The following VSIG4 variants were observed in gnomAD, a reference collection of about 807,000 sequenced individuals.
VSIG4 encodes the protein V-set and immunoglobulin domain-containing protein 4.
Under a neutral mutation model 23.4 loss-of-function variants are expected in VSIG4, and 34 were observed. That is an observed-to-expected ratio of 1.45 (90% confidence interval 1.10 to 1.93). VSIG4 has a LOEUF of 1.93. Among genes scored for constraint, VSIG4 ranks in the 30% most tolerant of loss-of-function variants. The pLI, the probability that VSIG4 is intolerant of heterozygous loss-of-function variation, is 0.00. For synonymous variants in VSIG4, 169 were observed against 120.3 expected, an observed-to-expected ratio of 1.41 and a Z score of -2.65; for missense variants, 433 against 310.8, an observed-to-expected ratio of 1.39 and a Z score of -2.96.
At chrX:66,037,666 C>T (rs1198542750) in intron 1 of VSIG4, among the ~76,000 whole-genome samples, 3 of 84,973 alleles carry the variant, frequency 3.5e-5, no homozygotes, top group African/African-American at 1.4e-4. Context: ...CTGATAATTA[C>T]TTATATATAA....
Position 66,028,558 on chromosome X carries a change from C to CTTTTTTTTTTTTTTTTTTTTTTTTTTT in VSIG4, c.695-447_695-446insAAAAAAAAAAAAAAAAAAAAAAAAAAA, listed in dbSNP as rs34660062. The stretch of plus-strand genomic sequence containing the variant: ...ATAATGCAAAATTTGACGTAATCAA[C>CTTTTTTTTTTTTTTTTTTTTTTTTTTT]TTTTTTTTTTTTTTTTTTTTTTTTT... On this transcript the variant is annotated intron_variant, in intron 3 of 7. Transcript: ENST00000374737. Among the ~76,000 whole-genome samples the CTTTTTTTTTTTTTTTTTTTTTTTTTTT allele has an allele frequency of 2.7e-5, 2 of 74,254 alleles. 1 individual carries two copies. Among genetic ancestry groups the CTTTTTTTTTTTTTTTTTTTTTTTTTTT allele is most frequent in the African/African-American group, 9.6e-5 (2 of 20,805 alleles). The allele number at this position is 74,254 out of a possible 115,157, so 64.5% of individuals were successfully genotyped here. A position where few individuals can be genotyped will look rare whatever the true frequency, so the allele number is the denominator to read the frequency against.
chrX:66,030,314 C>T (rs1184202272), intron 3 of VSIG4, among the ~76,000 whole-genome samples: 1 of 111,178 alleles, frequency 9.0e-6, no homozygotes, highest in Non-Finnish European at 1.9e-5. Flanking sequence ...AAGCTACCTT[C>T]GTGAGAAGGT....
At chrX:66,039,892 T>C in intron 1 of VSIG4, 52 bp downstream of exon 1, 3 of 1,195,200 alleles carry the variant, frequency 2.5e-6, no homozygotes, top group Non-Finnish European at 3.4e-6. Flanking sequence ...ACCAACCCTC[T>C]AGCCTTTTGC....
rs1164345385 is a variant in VSIG4, at chrX:66,036,853, A to G, written c.56-3023T>C. 7.8e-5 allele frequency among the ~76,000 whole-genome samples: 3 copies of G among 38,620 alleles called. No homozygotes were observed. In the Admixed American group the frequency reaches 1.6e-3, roughly 21 times the overall value. 33.5% of individuals were successfully genotyped at this position (38,620 alleles called of 115,157 possible). A position where few individuals can be genotyped will look rare whatever the true frequency, so the allele number is the denominator to read the frequency against. The stretch of plus-strand genomic sequence containing the variant: ...TATAATATGTTATATAATATATTAT[A>G]TATATAATAATATATTATATTATAT... On this transcript the variant is annotated intron_variant, in intron 1 of 7. Coordinates refer to ENST00000374737, the MANE Select transcript of VSIG4 (RefSeq NM_007268.3).
intron 3 of VSIG4, among the ~76,000 whole-genome samples, 158 bp from the exon 4 acceptor site, chrX:66,028,270 T>G (rs1323091785): frequency 8.9e-6 from 1 of 112,229 alleles, no homozygotes; most frequent in Non-Finnish European, 1.9e-5. Flanking sequence ...TGTTGCTTGT[T>G]CATCTTTCAT....
At position 66,021,973 on chromosome X, in the gene VSIG4, T is replaced by C; in HGVS notation, c.*290A>G. ...CAAAGTTGAATAGTGTCTGTAGGCA[T>C]GATGACCAAGTCCTAGTGCTATGGG... On this transcript the variant is annotated 3_prime_UTR_variant, in exon 8 of 8. Coordinates refer to ENST00000374737, the MANE Select transcript of VSIG4 (RefSeq NM_007268.3). 1 of 985,684 alleles carries C rather than the reference T, an allele frequency of 1.0e-6. No individual in the cohort carries two copies. Among genetic ancestry groups the C allele is most frequent in the Non-Finnish European group, 1.4e-6 (1 of 723,313 alleles). 81.2% of individuals were successfully genotyped at this position (985,684 alleles called of 1,213,427 possible). A position where few individuals can be genotyped will look rare whatever the true frequency, so the allele number is the denominator to read the frequency against.
At position 66,022,269 on chromosome X, in the gene VSIG4, G is replaced by T; in HGVS notation, c.1194C>A (p.Val398=). 1 of 1,212,175 alleles carries T rather than the reference G, an allele frequency of 8.2e-7. No individual in the cohort carries two copies. The highest frequency in any genetic ancestry group is 1.1e-6 in the Non-Finnish European group (1 of 895,566). Reference sequence around the variant, plus strand: ...CTGGCCTAATGGGGCATTTTTAACAGACACTTTTGCCCTCAGTGGCCAGAA... The same window carrying T: ...CTGGCCTAATGGGGCATTTTTAACATACACTTTTGCCCTCAGTGGCCAGAA... ...YEFLATEGKS[V]C is the part of the protein sequence containing the mutation. Residue 398 remains valine, a synonymous_variant, in exon 8 of 8, where the codon GTC becomes GTA. Transcript: ENST00000374737.
At chrX:66,036,073 G>A (rs2085534974) in intron 1 of VSIG4, among the ~76,000 whole-genome samples, 1 of 111,646 alleles carries the variant, frequency 9.0e-6, no homozygotes, top group Non-Finnish European at 1.9e-5. Flanking sequence ...ATCCCAGAAT[G>A]AATAGGACAG....
Position 66,040,016 on chromosome X carries a change from C to T in VSIG4, c.-18G>A, listed in dbSNP as rs745810183. On this transcript the variant is annotated 5_prime_UTR_variant, in exon 1 of 8. Coordinates refer to ENST00000374737, the MANE Select transcript of VSIG4 (RefSeq NM_007268.3). ...ATCCCCATCACAGCCAGAGCTACTT[C>T]TGTCCTTTCTTCCAGCCTCCTGCTA... 8.3e-6 allele frequency: 10 copies of T among 1,209,458 alleles called. No individual in the cohort carries two copies. Among genetic ancestry groups the T allele is most frequent in the Non-Finnish European group, 1.1e-5 (10 of 894,564 alleles).
chrX:66,037,934 C>T lies in VSIG4; in HGVS notation c.55+2010G>A, dbSNP rs2085637595. The stretch of plus-strand genomic sequence containing the variant: ...CTAGGTGTGTGCTCCTTTATAAGAC[C>T]CATTCTAGGTCTCTTTCTGAATCCC... On this transcript the variant is annotated intron_variant, in intron 1 of 7. Coordinates refer to ENST00000374737, the MANE Select transcript of VSIG4 (RefSeq NM_007268.3). Among the ~76,000 whole-genome samples, 3 of 107,899 alleles carry T rather than the reference C, an allele frequency of 2.8e-5. No individual in the cohort carries two copies. In the South Asian group the frequency reaches 1.2e-3, roughly 43 times the overall value. The allele number at this position is 107,899 out of a possible 115,157, so 93.7% of individuals were successfully genotyped here.
At chrX:66,038,556 C>T (rs2085647772) in intron 1 of VSIG4, among the ~76,000 whole-genome samples, 1 of 110,978 alleles carries the variant, frequency 9.0e-6, no homozygotes. Context: ...TTAAATTTAA[C>T]ATTTCTAAAA....
In VSIG4 at chrX:66,022,226, C is replaced by T; in HGVS notation, c.*37G>A. On this transcript the variant is annotated 3_prime_UTR_variant, in exon 8 of 8. Transcript: ENST00000374737. ...ATGCAGAAGGCAAGGACTGACTAGGCAATTATGTCAGCAGATCCTGGCCTA... is the reference window on the plus strand; with the variant it reads ...ATGCAGAAGGCAAGGACTGACTAGGTAATTATGTCAGCAGATCCTGGCCTA... The T allele has an allele frequency of 8.3e-7, 1 of 1,211,834 alleles. No homozygotes were observed. The highest frequency in any genetic ancestry group is 1.1e-6 in the Non-Finnish European group (1 of 895,459).
At chrX:66,032,366 A>C in intron 3 of VSIG4, 102 bp downstream of exon 3, 3 of 1,021,342 alleles carry the variant, frequency 2.9e-6, no homozygotes, top group Non-Finnish European at 4.0e-6. Flanking sequence ...CCTGCTTGGG[A>C]TCCTCCTCTC....
Position 66,033,840 on chromosome X carries a change from C to T in VSIG4, c.56-10G>A, listed in dbSNP as rs754269568. 36 of 1,178,184 alleles carry T rather than the reference C, an allele frequency of 3.1e-5. No individual in the cohort carries two copies. The highest frequency in any genetic ancestry group is 9.1e-5 in the Admixed American group (4 of 44,086). Reference sequence around the variant, plus strand: ...TCCAGGATGGGACGGCCTGAAGAGGCGGAACAGAGGAAAGAAGCAAACGTA... The same window carrying T: ...TCCAGGATGGGACGGCCTGAAGAGGTGGAACAGAGGAAAGAAGCAAACGTA... On this transcript the variant is annotated splice_polypyrimidine_tract_variant and intron_variant, in intron 1 of 7. Transcript: ENST00000374737.
At position 66,033,530 on chromosome X, in the gene VSIG4, G is replaced by T. The variant is rs761330018; in HGVS notation, c.356C>A (p.Thr119Asn). The T allele has an allele frequency of 6.6e-6, 8 of 1,211,512 alleles. No homozygotes were observed. Among genetic ancestry groups the T allele is most frequent in the Middle Eastern group, 2.3e-4 (1 of 4,349 alleles). Residue 119 changes from threonine (T) to asparagine (N), a missense_variant, in exon 2 of 8, where the codon ACT (threonine) becomes AAT (asparagine). Coordinates refer to ENST00000374737, the MANE Select transcript of VSIG4 (RefSeq NM_007268.3). ...TCTCACGACTTGGTTGCCATCAGGAGTCTGCCAGGTGACTTCACACGTGTA... is the reference window on the plus strand; with the variant it reads ...TCTCACGACTTGGTTGCCATCAGGATTCTGCCAGGTGACTTCACACGTGTA... Reference protein sequence around the residue: ...SHYTCEVTWQTPDGNQVVRDK... With the variant: ...SHYTCEVTWQNPDGNQVVRDK...
intron 1 of VSIG4, among the ~76,000 whole-genome samples, chrX:66,036,806 TA>T (rs1212046719): frequency 2.5e-5 from 1 of 40,549 alleles, no homozygotes; most frequent in East Asian, 1.0e-3. Context: ...ATATATTATA[TA>T]ATATTATATA....
chrX:66,040,036 C>T lies in VSIG4; in HGVS notation c.-38G>A, dbSNP rs2085666168. Reference sequence around the variant, plus strand: ...TACTTCTGTCCTTTCTTCCAGCCTCCTGCTACCAAAGAGGCTCAAACTTCT... The same window carrying T: ...TACTTCTGTCCTTTCTTCCAGCCTCTTGCTACCAAAGAGGCTCAAACTTCT... On this transcript the variant is annotated 5_prime_UTR_variant, in exon 1 of 8. Coordinates refer to ENST00000374737, the MANE Select transcript of VSIG4 (RefSeq NM_007268.3). 1.7e-6 allele frequency: 2 copies of T among 1,201,988 alleles called. No individual in the cohort carries two copies. The highest frequency in any genetic ancestry group is 3.5e-5 in the South Asian group (2 of 56,411).
chrX:66,032,706 G>A lies in VSIG4; in HGVS notation c.456C>T (p.Gly152=), dbSNP rs762546590. 9.1e-6 allele frequency: 11 copies of A among 1,209,581 alleles called. No homozygotes were observed. Among genetic ancestry groups the A allele is most frequent in the Non-Finnish European group, 1.2e-5 (11 of 895,092 alleles). The part of the protein sequence containing the change: ...KPTVTTGSGY[G]FTVPQGMRIS... ...TCCTCATTCCCTGGGGCACCGTGAA[G>A]CCATAACCGCTGCCAGTTGTCACTG... The change falls in exon 3 of 8, where the codon GGC becomes GGT. Residue 152 remains glycine, a synonymous_variant. Coordinates refer to ENST00000374737, the MANE Select transcript of VSIG4 (RefSeq NM_007268.3).
chrX:66,025,719 T>A (rs1234666856), intron 5 of VSIG4, among the ~76,000 whole-genome samples: 3 of 112,015 alleles, frequency 2.7e-5, no homozygotes, highest in African/African-American at 9.7e-5. Context: ...GATATTCACA[T>A]CCAAATTCCT....
Sources: gnomAD v4.1 joint callset for allele counts (sites outside exome capture counted in the v4.1 genomes callset) on GRCh38, gnomAD v4.1.1 for gene constraint, MANE v1.5 for transcripts, NCBI Gene and HGNC (gene_info 2026-07-23, HGNC 2026-07-21) for gene names.